EZH1: variants seen among roughly 807,000 people sequenced by gnomAD.
The protein encoded by EZH1 is histone-lysine N-methyltransferase EZH1.
Under a neutral mutation model 100.5 loss-of-function variants are expected in EZH1, and 33 were observed. The observed-to-expected ratio is 0.33, with a 90% CI of 0.25 to 0.44. The LOEUF is 0.44. Among genes scored for constraint, EZH1 ranks in the 20% least tolerant of loss-of-function variants. The pLI is 1.00. For synonymous variants in EZH1, 272 were observed against 313.8 expected, an observed-to-expected ratio of 0.87 and a Z score of 1.41; for missense variants, 475 against 928.4, an observed-to-expected ratio of 0.51 and a Z score of 6.35.
chr17:42,715,162 AT>A (rs1161688687), intron 10 of EZH1, among the ~76,000 whole-genome samples: 1 of 140,792 alleles, frequency 7.1e-6, no homozygotes, highest in Non-Finnish European at 1.5e-5. Flanking sequence ...TATAGATTAT[AT>A]GTATTTATAT....
chr17:42,702,423 G>C lies in EZH1; in HGVS notation c.*109C>G. On this transcript the variant is annotated 3_prime_UTR_variant, in exon 21 of 21. Transcript: ENST00000428826. ...TCACTACAGAGGGAGTGGGTTGGGG[G>C]GTTTCTCAGTGTGGGAGACACAGTG... 1 of 916,278 alleles carries C rather than the reference G, an allele frequency of 1.1e-6. No homozygotes were observed. Among genetic ancestry groups the C allele is most frequent in the Non-Finnish European group, 1.7e-6 (1 of 597,866 alleles). The allele number at this position is 916,278 out of a possible 1,614,324, so 56.8% of individuals were successfully genotyped here. A position where few individuals can be genotyped will look rare whatever the true frequency, so the allele number is the denominator to read the frequency against.
intron 1 of EZH1, among the ~76,000 whole-genome samples, chr17:42,737,006 G>A (rs574717383): frequency 1.1e-4 from 16 of 146,998 alleles, no homozygotes; most frequent in Admixed American, 4.8e-4. Context: ...TTTTTTTTGA[G>A]ACAGAGTCTC....
chr17:42,729,378 G>A, intron 2 of EZH1: 1 of 166,584 alleles, frequency 6.0e-6, no homozygotes, highest in Non-Finnish European at 1.3e-5. Context: ...CTGCACTTCA[G>A]CCTGAGTGAC....
chr17:42,726,986 A>G (rs941241058), intron 4 of EZH1, among the ~76,000 whole-genome samples: 1 of 151,962 alleles, frequency 6.6e-6, no homozygotes, highest in Non-Finnish European at 1.5e-5. Context: ...AGTAGCTGGG[A>G]TTATAGGTGT....
intron 10 of EZH1, among the ~76,000 whole-genome samples, chr17:42,715,059 T>C (rs1216167106): frequency 1.4e-5 from 2 of 140,030 alleles, no homozygotes; most frequent in Non-Finnish European, 3.1e-5. Context: ...TATATGTATT[T>C]ATATACTATA....
chr17:42,721,546 A>G (rs2053706375), intron 6 of EZH1, among the ~76,000 whole-genome samples: 1 of 152,182 alleles, frequency 6.6e-6, no homozygotes, highest in Non-Finnish European at 1.5e-5. Context: ...TTATTTGTAC[A>G]ATAAACTTTC....
chr17:42,734,758 C>T (rs974700461), intron 1 of EZH1, among the ~76,000 whole-genome samples: 4 of 151,770 alleles, frequency 2.6e-5, no homozygotes, highest in African/African-American at 9.7e-5. Flanking sequence ...CTTTGGGAGG[C>T]CAAGGTGGGC....
chr17:42,716,561 GC>G (rs1418211111), intron 10 of EZH1, among the ~76,000 whole-genome samples: 1 of 152,190 alleles, frequency 6.6e-6, no homozygotes, highest in Non-Finnish European at 1.5e-5. Context: ...TCAGGCATTG[GC>G]AGCATCTTCG....
At chr17:42,709,573 GA>G in intron 13 of EZH1, 1 of 337,904 alleles carries the variant, frequency 3.0e-6, no homozygotes, top group Non-Finnish European at 5.4e-6. Flanking sequence ...GTGGAGCCAT[GA>G]GGCCAGCTCA....
chr17:42,703,000 A>G, intron 19 of EZH1, 39 bp from the exon 20 acceptor site: 2 of 1,595,828 alleles, frequency 1.3e-6, no homozygotes, highest in Non-Finnish European at 1.7e-6. Flanking sequence ...TTCCTACCCA[A>G]CTCCAAGTCA....
rs1347789208 is a variant in EZH1 at position 42,710,625 on chromosome 17, G to GTTTTTT, written c.1402-689_1402-688insAAAAAA. ...CACTTCAGCTCATGGTTCTGTTTTT[G>GTTTTTT]TTTGTTTTTTTTTTTTTTTTTTAAG... On this transcript the variant is annotated intron_variant, in intron 12 of 20. Transcript: ENST00000428826. Among the ~76,000 whole-genome samples, 112 of 120,714 alleles carry GTTTTTT rather than the reference G, an allele frequency of 9.3e-4. 8 individuals are homozygous for GTTTTTT. The highest frequency in any genetic ancestry group is 4.4e-3 in the Middle Eastern group (1 of 226). 79.2% of individuals were successfully genotyped at this position (120,714 alleles called of 152,430 possible). A position where few individuals can be genotyped will look rare whatever the true frequency, so the allele number is the denominator to read the frequency against.
intron 2 of EZH1, among the ~76,000 whole-genome samples, chr17:42,730,487 CTTTTTTTTTTTT>C (rs1156867481): frequency 9.0e-5 from 6 of 66,660 alleles, no homozygotes; most frequent in Non-Finnish European, 2.8e-5. Flanking sequence ...AGTATGTATT[CTTTTTTTTTTTT>C]TTTTTTTTTT....
intron 10 of EZH1, among the ~76,000 whole-genome samples, chr17:42,717,628 G>T (rs193019525): frequency 6.6e-6 from 1 of 152,236 alleles, no homozygotes; most frequent in African/African-American, 2.4e-5. Context: ...ATAGTTATAT[G>T]CATTTATAAC....
In EZH1 at chr17:42,741,578, CAT is replaced by C. The variant is rs569411740; in HGVS notation, c.-103+3431_-103+3432del. 5.3e-5 allele frequency among the ~76,000 whole-genome samples: 8 copies of C among 152,306 alleles called. No homozygotes were observed. In the South Asian group the frequency reaches 1.7e-3, roughly 32 times the overall value. ...ATATACTTAATGACATGAATTGTTA[CAT>C]GTTTCATATAAACAGCAAATCAAAG... is the stretch of plus-strand genomic sequence containing the variant. On this transcript the variant is annotated intron_variant, in intron 1 of 20. Coordinates refer to ENST00000428826, the MANE Select transcript of EZH1 (RefSeq NM_001991.5).
At chr17:42,726,967 A>G (rs1016208092) in intron 4 of EZH1, among the ~76,000 whole-genome samples, 1 of 152,078 alleles carries the variant, frequency 6.6e-6, no homozygotes, top group African/African-American at 2.4e-5. Flanking sequence ...CTCAGGCCTC[A>G]GCCTCCCAAG....
chr17:42,726,213 C>CTT (rs1242560610), intron 4 of EZH1, among the ~76,000 whole-genome samples: 114 of 88,522 alleles, frequency 1.3e-3, no homozygotes, highest in African/African-American at 1.6e-3. Context: ...GAGACAGTCT[C>CTT]TTTTTTTTTT....
intron 6 of EZH1, among the ~76,000 whole-genome samples, chr17:42,721,782 G>C (rs2143801562): frequency 6.6e-6 from 1 of 152,188 alleles, no homozygotes; most frequent in Admixed American, 6.5e-5. Context: ...GGCCAACGTG[G>C]GAGGATTGCT....
intron 1 of EZH1, among the ~76,000 whole-genome samples, chr17:42,739,870 A>G (rs1022867645): frequency 1.3e-5 from 2 of 150,454 alleles, no homozygotes; most frequent in Non-Finnish European, 1.5e-5. Flanking sequence ...TGCAAGCTCC[A>G]TCCCCCAGGT....
chr17:42,704,859 A>C (rs750796305), intron 17 of EZH1, among the ~76,000 whole-genome samples, 176 bp from the exon 18 acceptor site: 3 of 152,220 alleles, frequency 2.0e-5, no homozygotes, highest in Non-Finnish European at 4.4e-5. Context: ...CAGGCCAACC[A>C]GTTTTAAGGC....
Sources: gnomAD v4.1 joint callset for allele counts (sites outside exome capture counted in the v4.1 genomes callset) on GRCh38, gnomAD v4.1.1 for gene constraint, MANE v1.5 for transcripts, NCBI Gene and HGNC (gene_info 2026-07-23, HGNC 2026-07-21) for gene names.